TACR1: variants seen among roughly 807,000 people sequenced by gnomAD.
TACR1 encodes the protein substance-P receptor.
Under a neutral mutation model 35.8 loss-of-function variants are expected in TACR1, and 25 were observed. That is an observed-to-expected ratio of 0.70 (90% CI 0.51 to 0.98). The LOEUF is 0.98. TACR1 is among the 50% of genes least tolerant of loss of function. TACR1 has a pLI of 0.00. For missense variants in TACR1, 478 were observed against 522.9 expected, an observed-to-expected ratio of 0.91 and a Z score of 0.84; for synonymous variants, 195 against 206.7, an observed-to-expected ratio of 0.94 and a Z score of 0.48.
At chr2:75,062,994 C>T (rs748169648) in intron 2 of TACR1, among the ~76,000 whole-genome samples, 26 of 152,196 alleles carry the variant, frequency 1.7e-4, no homozygotes, top group Admixed American at 3.9e-4. Flanking sequence ...GGGGAGGCCT[C>T]ATAATCATGG....
chr2:75,186,379 A>G (rs571343640), intron 1 of TACR1, among the ~76,000 whole-genome samples: 3 of 151,186 alleles, frequency 2.0e-5, no homozygotes, highest in Admixed American at 2.0e-4. Flanking sequence ...CTCAAAAAAA[A>G]AAAAAAAAAA....
intron 2 of TACR1, among the ~76,000 whole-genome samples, chr2:75,113,637 T>C (rs1336593114): frequency 6.9e-6 from 1 of 145,916 alleles, no homozygotes; most frequent in Non-Finnish European, 1.5e-5. Context: ...GCAGTGTCAA[T>C]GCACTTTTCC....
At chr2:75,085,945 G>T (rs527880097) in intron 2 of TACR1, among the ~76,000 whole-genome samples, 1 of 152,274 alleles carries the variant, frequency 6.6e-6, no homozygotes, top group African/African-American at 2.4e-5. Flanking sequence ...ATGTGACACC[G>T]TAGATTAGTT....
intron 1 of TACR1, among the ~76,000 whole-genome samples, chr2:75,170,915 A>C (rs767338558): frequency 2.0e-5 from 3 of 152,168 alleles, no homozygotes; most frequent in Non-Finnish European, 4.4e-5. Context: ...TATGGTTTGG[A>C]ATTGGAACTT....
intron 1 of TACR1, among the ~76,000 whole-genome samples, chr2:75,180,274 A>G (rs1253753302): frequency 6.6e-6 from 1 of 152,224 alleles, no homozygotes; most frequent in Non-Finnish European, 1.5e-5. Context: ...AATGGAGAAT[A>G]AGGGCTCTTA....
intron 1 of TACR1, among the ~76,000 whole-genome samples, chr2:75,142,203 A>G (rs1674421082): frequency 6.6e-6 from 1 of 152,118 alleles, no homozygotes; most frequent in South Asian, 2.1e-4. Flanking sequence ...GCTCGCCACT[A>G]AGTCCATTTA....
At chr2:75,116,485 TG>T (rs1673861943) in intron 2 of TACR1, among the ~76,000 whole-genome samples, 1 of 152,188 alleles carries the variant, frequency 6.6e-6, no homozygotes, top group South Asian at 2.1e-4. Flanking sequence ...TTAAGAGCAA[TG>T]CTGATGGGAA....
chr2:75,119,807 C>T (rs1453665522), intron 2 of TACR1, among the ~76,000 whole-genome samples: 2 of 152,130 alleles, frequency 1.3e-5, no homozygotes, highest in South Asian at 4.2e-4. Context: ...TTGTTTTGGT[C>T]TTCCGCAAAG....
At chr2:75,176,341 G>A (rs62147122) in intron 1 of TACR1, among the ~76,000 whole-genome samples, 5 of 143,810 alleles carry the variant, frequency 3.5e-5, no homozygotes, top group African/African-American at 1.3e-4. Flanking sequence ...TTTTTTTTAA[G>A]TACAGCATTA....
intron 2 of TACR1, among the ~76,000 whole-genome samples, chr2:75,107,682 C>T (rs1156768192): frequency 2.0e-5 from 3 of 151,914 alleles, no homozygotes; most frequent in East Asian, 1.9e-4. Flanking sequence ...GTAAAGAATA[C>T]GAGAGCACTA....
intron 2 of TACR1, among the ~76,000 whole-genome samples, chr2:75,105,377 G>A (rs1673618600): frequency 6.6e-6 from 1 of 151,994 alleles, no homozygotes; most frequent in Admixed American, 6.6e-5. Context: ...CTAGGGGCTG[G>A]AGGTGGAGGG....
In TACR1 at chr2:75,053,731, C is replaced by T. The variant is rs1474337832; in HGVS notation, c.609G>A (p.Leu203=). ...TCACCAGCAGGGGGAGGAAGTAGAT[C>T]AGCACAGTCACACAGATGTGGTACC... ...EKVYHICVTV[L]IYFLPLLVIG... is the part of the protein sequence containing the mutation. The change falls in exon 3 of 5, where the codon CTG becomes CTA. Residue 203 remains leucine (L), a synonymous_variant. Coordinates refer to ENST00000305249, the MANE Select transcript of TACR1 (RefSeq NM_001058.4). 1.9e-6 allele frequency: 3 copies of T among 1,614,038 alleles called. No homozygotes were observed. Among genetic ancestry groups the T allele is most frequent in the Admixed American group, 3.3e-5 (2 of 60,006 alleles).
chr2:75,186,674 C>A (rs1385281762), intron 1 of TACR1, among the ~76,000 whole-genome samples: 1 of 150,466 alleles, frequency 6.6e-6, no homozygotes, highest in Non-Finnish European at 1.5e-5. Context: ...TAAGTTCTTA[C>A]CTAAATGAAC....
At chr2:75,166,515 G>T (rs1206410757) in intron 1 of TACR1, among the ~76,000 whole-genome samples, 1 of 152,134 alleles carries the variant, frequency 6.6e-6, no homozygotes, top group Non-Finnish European at 1.5e-5. Context: ...ATCAATCAGC[G>T]CTCCTTCTGT....
At chr2:75,123,569 C>T (rs1054137589) in intron 1 of TACR1, among the ~76,000 whole-genome samples, 3 of 152,072 alleles carry the variant, frequency 2.0e-5, no homozygotes, top group Admixed American at 2.0e-4. Flanking sequence ...GTGTAGGAGC[C>T]ATTTTAGTGG....
rs111355111 is a variant in TACR1 at position 75,109,197 on chromosome 2, C to G, written c.584+11377G>C. On this transcript the variant is annotated intron_variant, in intron 2 of 4. Coordinates refer to ENST00000305249, the MANE Select transcript of TACR1 (RefSeq NM_001058.4). ...TCTTTGGGATGTACAATCGGCATCGCGGTAAGAAACTGACAGCTCGCGGGC... is the reference window on the plus strand; with the variant it reads ...TCTTTGGGATGTACAATCGGCATCGGGGTAAGAAACTGACAGCTCGCGGGC... 6.0e-3 allele frequency among the ~76,000 whole-genome samples: 914 copies of G among 152,188 alleles called. 10 individuals are homozygous for G. The highest frequency in any genetic ancestry group is 0.02 in the African/African-American group (821 of 41,526).
At chr2:75,088,711 A>G (rs759006082) in intron 2 of TACR1, among the ~76,000 whole-genome samples, 2 of 151,994 alleles carry the variant, frequency 1.3e-5, no homozygotes, top group African/African-American at 2.4e-5. Flanking sequence ...CACAATCACC[A>G]TGTGTGGGGT....
At chr2:75,178,113 T>C (rs957685284) in intron 1 of TACR1, among the ~76,000 whole-genome samples, 18 of 152,300 alleles carry the variant, frequency 1.2e-4, no homozygotes, top group African/African-American at 4.1e-4. Flanking sequence ...CCTGGACCCA[T>C]ATGCTCACTT....
At position 75,144,070 on chromosome 2, in the gene TACR1, T is replaced by C. The variant is rs113986995; in HGVS notation, c.390-23302A>G. On this transcript the variant is annotated intron_variant, in intron 1 of 4. Transcript: ENST00000305249. The stretch of plus-strand genomic sequence containing the variant: ...TTCCTTGGTAATTATTTTCCTAGTT[T>C]CCACGATCATGGGGAACTTTAACTT... Among the ~76,000 whole-genome samples the C allele has an allele frequency of 4.2e-3, 644 of 152,334 alleles. 3 individuals are homozygous for C. Among genetic ancestry groups the C allele is most frequent in the African/African-American group, 0.015 (608 of 41,578 alleles).
Sources: allele counts gnomAD v4.1 joint callset (sites outside exome capture counted in the v4.1 genomes callset), GRCh38; gene constraint gnomAD v4.1.1; transcripts MANE v1.5; gene names NCBI Gene and HGNC (gene_info 2026-07-23, HGNC 2026-07-21).